The following DPP10 variants were observed in gnomAD, a reference collection of about 807,000 sequenced individuals.
DPP10 encodes the protein dipeptidyl peptidase like 10.
In DPP10, 33 loss-of-function variants were observed where a neutral mutation model predicts 120.9. The ratio of observed to expected loss-of-function variants is 0.27; its 90% CI spans 0.21 to 0.37. The LOEUF (loss-of-function observed/expected upper bound fraction) is 0.37, where lower values mean the gene tolerates loss of function less well. Ranked by LOEUF, DPP10 falls within the 10% of genes least tolerant of loss-of-function variation. DPP10 has a pLI of 1.00. For missense variants in DPP10, 816 were observed against 942.8 expected, an observed-to-expected ratio of 0.87 and a Z score of 1.76; for synonymous variants, 337 against 326.1, an observed-to-expected ratio of 1.03 and a Z score of -0.36.
Position 115,107,422 on chromosome 2 carries a change from C to CTTT in DPP10, c.61-201791_61-201789dup, listed in dbSNP as rs59046305. ...AAAAAGTTTGTGGGATTGGTTATAG[C>CTTT]TTTTTTTTTTTTTTTTTTTTTTTTT... On this transcript the variant is annotated intron_variant, in intron 1 of 25. Coordinates refer to ENST00000410059, the MANE Select transcript of DPP10 (RefSeq NM_020868.6). Among the ~76,000 whole-genome samples the CTTT allele has an allele frequency of 3.0e-3, 181 of 59,862 alleles. 35 individuals are homozygous for CTTT. Among genetic ancestry groups the CTTT allele is most frequent in the East Asian group, 4.3e-3 (7 of 1,618 alleles). The allele number at this position is 59,862 out of a possible 152,430, so 39.3% of individuals were successfully genotyped here. A position where few individuals can be genotyped will look rare whatever the true frequency, so the allele number is the denominator to read the frequency against.
intron 1 of DPP10, among the ~76,000 whole-genome samples, chr2:114,851,903 T>TATC (rs1263461592): frequency 1.3e-5 from 2 of 152,118 alleles, no homozygotes; most frequent in Non-Finnish European, 2.9e-5. Context: ...TCTAATTCAT[T>TATC]ATCTTTATTT....
At chr2:115,409,437 AAATGC>A (rs2068773467) in intron 3 of DPP10, among the ~76,000 whole-genome samples, 1 of 152,228 alleles carries the variant, frequency 6.6e-6, no homozygotes, top group Non-Finnish European at 1.5e-5. Flanking sequence ...ATGATTAGGG[AAATGC>A]AAAGCAAAAC....
At chr2:114,917,825 T>TAAACATAAAAC (rs1357277343) in intron 1 of DPP10, among the ~76,000 whole-genome samples, 5 of 152,172 alleles carry the variant, frequency 3.3e-5, no homozygotes, top group African/African-American at 1.2e-4. Context: ...ATTAAAGACT[T>TAAACATAAAAC]AAACATAAAA....
At position 115,656,664 on chromosome 2, in the gene DPP10, G is replaced by A. The variant is rs373412602; in HGVS notation, c.442-33023G>A. 5.3e-5 allele frequency among the ~76,000 whole-genome samples: 8 copies of A among 151,780 alleles called. No individual in the cohort carries two copies. The East Asian group carries it at 1.5e-3, about 29-fold the overall frequency. On this transcript the variant is annotated intron_variant, in intron 5 of 25. Transcript: ENST00000410059. The stretch of plus-strand genomic sequence containing the variant: ...TAATGTAGACTGTTATGAAGAAGAA[G>A]TTTCAAATTAGCTGAAATAAGTTTC...
chr2:115,582,178 C>T (rs1272802667), intron 5 of DPP10, among the ~76,000 whole-genome samples: 1 of 152,116 alleles, frequency 6.6e-6, no homozygotes, highest in Non-Finnish European at 1.5e-5. Flanking sequence ...TTCTTCTCCC[C>T]TGATTTTTCC....
chr2:115,571,187 A>T (rs1467237343), intron 5 of DPP10, among the ~76,000 whole-genome samples: 1 of 152,206 alleles, frequency 6.6e-6, no homozygotes, highest in African/African-American at 2.4e-5. Context: ...AAACTATCAA[A>T]GTAGCCAATC....
At chr2:114,797,844 G>A (rs12473375) in intron 1 of DPP10, among the ~76,000 whole-genome samples, 7,713 of 152,156 alleles carry the variant, frequency 0.051, 211 homozygotes, top group South Asian at 0.098. Context: ...TTAGTGACTC[G>A]TTGTCAAAGA....
At chr2:114,914,736 C>T (rs922562808) in intron 1 of DPP10, among the ~76,000 whole-genome samples, 1 of 152,212 alleles carries the variant, frequency 6.6e-6, no homozygotes, top group Non-Finnish European at 1.5e-5. Context: ...AACTGCTCCA[C>T]TTAAAGGGCA....
At chr2:115,031,454 C>T (rs902434217) in intron 1 of DPP10, among the ~76,000 whole-genome samples, 2 of 152,082 alleles carry the variant, frequency 1.3e-5, no homozygotes, top group African/African-American at 4.8e-5. Flanking sequence ...TTGTTCCTCA[C>T]CCCTGTTGAC....
rs7424272 is a variant in DPP10 at position 114,942,360 on chromosome 2, T to C, written c.61-366879T>C. Reference sequence around the variant, plus strand: ...ATATACGTATATATACATATATATATACATATATATACACACACATATATA... The same window carrying C: ...ATATACGTATATATACATATATATACACATATATATACACACACATATATA... On this transcript the variant is annotated intron_variant, in intron 1 of 25. Transcript: ENST00000410059. Among the ~76,000 whole-genome samples the C allele has an allele frequency of 6.4e-3, 744 of 116,626 alleles. 12 individuals carry two copies. Among genetic ancestry groups the C allele is most frequent in the Middle Eastern group, 0.047 (12 of 254 alleles). 76.5% of individuals were successfully genotyped at this position (116,626 alleles called of 152,430 possible). A position where few individuals can be genotyped will look rare whatever the true frequency, so the allele number is the denominator to read the frequency against.
In DPP10 at chr2:115,608,914, A is replaced by G. The variant is rs529838770; in HGVS notation, c.442-80773A>G. On this transcript the variant is annotated intron_variant, in intron 5 of 25. Coordinates refer to ENST00000410059, the MANE Select transcript of DPP10 (RefSeq NM_020868.6). Reference sequence around the variant, plus strand: ...TGAAAAAGAACAAGAAAACTTAGGCATATAATATAAAAGGAGAAATATAAA... The same window carrying G: ...TGAAAAAGAACAAGAAAACTTAGGCGTATAATATAAAAGGAGAAATATAAA... 1.2e-4 allele frequency among the ~76,000 whole-genome samples: 19 copies of G among 152,272 alleles called. No individual in the cohort carries two copies. The East Asian group carries it at 3.1e-3, about 25-fold the overall frequency.
chr2:114,488,237 C>T (rs1011478555), intron 1 of DPP10, among the ~76,000 whole-genome samples: 6 of 152,122 alleles, frequency 3.9e-5, no homozygotes, highest in Admixed American at 2.0e-4. Context: ...GGGGAAGCAA[C>T]GGGACAGGGG....
intron 1 of DPP10, among the ~76,000 whole-genome samples, chr2:114,939,249 G>T (rs938733277): frequency 6.6e-6 from 1 of 152,036 alleles, no homozygotes; most frequent in Non-Finnish European, 1.5e-5. Context: ...GGCTGAGGAG[G>T]AGGAGGAAGA....
chr2:115,090,556 A>C (rs1573575253), intron 1 of DPP10, among the ~76,000 whole-genome samples: 4 of 152,326 alleles, frequency 2.6e-5, no homozygotes, highest in Admixed American at 2.6e-4. Context: ...ACGTTCTCCA[A>C]CTTAGGGGCA....
At chr2:114,809,381 C>T (rs191415455) in intron 1 of DPP10, among the ~76,000 whole-genome samples, 55 of 152,200 alleles carry the variant, frequency 3.6e-4, no homozygotes, top group Non-Finnish European at 5.7e-4. Flanking sequence ...GTTCACTCAC[C>T]CTTTGATGGA....
chr2:114,715,502 C>T (rs904396736), intron 1 of DPP10, among the ~76,000 whole-genome samples: 3 of 151,708 alleles, frequency 2.0e-5, no homozygotes, highest in African/African-American at 7.3e-5. Context: ...ATATTTTATT[C>T]TAGGAAAAAA....
intron 1 of DPP10, among the ~76,000 whole-genome samples, chr2:115,229,884 G>T: frequency 6.7e-6 from 1 of 149,550 alleles, no homozygotes; most frequent in African/African-American, 2.4e-5. Context: ...TTTGGCTTAG[G>T]ATAGCTTTGG....
At chr2:114,671,366 C>T (rs1252599783) in intron 1 of DPP10, among the ~76,000 whole-genome samples, 2 of 152,052 alleles carry the variant, frequency 1.3e-5, no homozygotes, top group Non-Finnish European at 2.9e-5. Flanking sequence ...TTTGGATATT[C>T]GTCTCCTCCT....
chr2:115,838,129 G>A (rs558544438), intron 24 of DPP10, among the ~76,000 whole-genome samples: 2 of 152,222 alleles, frequency 1.3e-5, no homozygotes, highest in East Asian at 3.9e-4. Context: ...TACTATCTCT[G>A]CAACTGTTCT....
Sources: allele counts gnomAD v4.1 joint callset (sites outside exome capture counted in the v4.1 genomes callset), GRCh38; gene constraint gnomAD v4.1.1; transcripts MANE v1.5; gene names NCBI Gene and HGNC (gene_info 2026-07-23, HGNC 2026-07-21).